ASTN2: variants seen among roughly 807,000 people sequenced by gnomAD.
ASTN2 encodes astrotactin 2.
A neutral mutation model predicts 139.8 loss-of-function variants in ASTN2; 54 were observed. The observed-to-expected ratio is 0.39, with a 90% CI of 0.31 to 0.48. The LOEUF (loss-of-function observed/expected upper bound fraction) is 0.48. Among genes scored for constraint, ASTN2 ranks in the 20% least tolerant of loss-of-function variants. The pLI is 0.95. For missense variants in ASTN2, 1,565 were observed against 1,725.1 expected (o/e 0.91, Z 1.64); for synonymous variants, 756 against 719.5 (o/e 1.05, Z -0.81).
At chr9:116,646,861 C>A (rs1186611419) in intron 17 of ASTN2, among the ~76,000 whole-genome samples, 1 of 152,218 alleles carries the variant, frequency 6.6e-6, no homozygotes, top group Non-Finnish European at 1.5e-5. Context: ...CTAAACTCCT[C>A]ACCACATGTT....
intron 5 of ASTN2, among the ~76,000 whole-genome samples, chr9:117,089,851 C>T (rs1388184119): frequency 6.6e-6 from 1 of 152,172 alleles, no homozygotes; most frequent in African/African-American, 2.4e-5. Flanking sequence ...TGGCAAATGC[C>T]GTTAATTCAT....
At chr9:116,819,212 C>T (rs1342776137) in intron 12 of ASTN2, among the ~76,000 whole-genome samples, 1 of 152,048 alleles carries the variant, frequency 6.6e-6, no homozygotes, top group Non-Finnish European at 1.5e-5. Context: ...GAAGAACAGC[C>T]CCCACCCCAC....
chr9:116,755,116 C>A (rs747791252), intron 13 of ASTN2, among the ~76,000 whole-genome samples: 2 of 152,126 alleles, frequency 1.3e-5, no homozygotes, highest in Non-Finnish European at 2.9e-5. Context: ...GATCTGGGTG[C>A]CCCAGCTATG....
intron 3 of ASTN2, among the ~76,000 whole-genome samples, chr9:117,196,789 T>C (rs1831518460): frequency 6.6e-6 from 1 of 152,116 alleles, no homozygotes; most frequent in Non-Finnish European, 1.5e-5. Context: ...ATTATGCATA[T>C]AAAATGATAA....
At chr9:117,374,684 A>G (rs556341046) in intron 1 of ASTN2, among the ~76,000 whole-genome samples, 1 of 152,266 alleles carries the variant, frequency 6.6e-6, no homozygotes, top group African/African-American at 2.4e-5. Flanking sequence ...TGGCAAATTG[A>G]CAATGCAGCA....
chr9:117,287,840 G>A (rs1834488307), intron 2 of ASTN2, among the ~76,000 whole-genome samples: 1 of 152,064 alleles, frequency 6.6e-6, no homozygotes, highest in African/African-American at 2.4e-5. Context: ...TGCCAGCCTG[G>A]GTATTAGGCA....
At chr9:117,163,389 G>T (rs1373783687) in intron 3 of ASTN2, among the ~76,000 whole-genome samples, 1 of 152,074 alleles carries the variant, frequency 6.6e-6, no homozygotes, top group Non-Finnish European at 1.5e-5. Flanking sequence ...AGGGGCAGAG[G>T]AAAAACTAAT....
intron 5 of ASTN2, among the ~76,000 whole-genome samples, chr9:117,053,756 G>C (rs993701367): frequency 2.0e-5 from 3 of 152,154 alleles, no homozygotes; most frequent in African/African-American, 7.2e-5. Flanking sequence ...GAAAAGAATT[G>C]GGGCCTTGCA....
intron 1 of ASTN2, among the ~76,000 whole-genome samples, chr9:117,379,864 C>T (rs576974791): frequency 6.6e-6 from 1 of 152,218 alleles, no homozygotes; most frequent in South Asian, 2.1e-4. Flanking sequence ...AAAGTTTGTA[C>T]TTTATTTGGA....
At chr9:117,279,289 A>T (rs1834269188) in intron 2 of ASTN2, among the ~76,000 whole-genome samples, 1 of 152,232 alleles carries the variant, frequency 6.6e-6, no homozygotes, top group African/African-American at 2.4e-5. Flanking sequence ...AACTAGAAAT[A>T]TATGTTTAAT....
chr9:116,922,966 G>GA (rs1383323196), intron 10 of ASTN2, among the ~76,000 whole-genome samples: 1 of 152,196 alleles, frequency 6.6e-6, no homozygotes, highest in Non-Finnish European at 1.5e-5. Context: ...TTATAGGGCA[G>GA]AGGTGGTGCA....
chr9:116,834,777 G>T (rs1831933552), intron 11 of ASTN2, among the ~76,000 whole-genome samples: 1 of 152,248 alleles, frequency 6.6e-6, no homozygotes, highest in Admixed American at 6.5e-5. Flanking sequence ...ACTGGGCACA[G>T]TGGCTTATGC....
intron 19 of ASTN2, among the ~76,000 whole-genome samples, chr9:116,490,271 GTAAA>G (rs1849471332): frequency 4.3e-4 from 1 of 2,316 alleles, no homozygotes; most frequent in Non-Finnish European, 9.0e-4. Context: ...GTGATAAAAA[GTAAA>G]AAAAAAAAAA....
At chr9:116,756,751 T>C (rs1443010939) in intron 13 of ASTN2, among the ~76,000 whole-genome samples, 1 of 146,246 alleles carries the variant, frequency 6.8e-6, no homozygotes, top group Non-Finnish European at 1.5e-5. Flanking sequence ...TCCAGTTATC[T>C]ATAAGATGCT....
chr9:116,502,494 C>T (rs1332049739), intron 19 of ASTN2, among the ~76,000 whole-genome samples: 6 of 148,532 alleles, frequency 4.0e-5, no homozygotes, highest in African/African-American at 1.5e-4. Context: ...AGACAGAGAA[C>T]CAGAAATAAA....
At chr9:116,697,517 C>T (rs1018353430) in intron 16 of ASTN2, 10 of 563,130 alleles carry the variant, frequency 1.8e-5, no homozygotes, top group Admixed American at 6.1e-5. Context: ...GTCACCCTCA[C>T]GTGACATATA....
intron 19 of ASTN2, among the ~76,000 whole-genome samples, chr9:116,589,643 T>C (rs573956298): frequency 1.6e-5 from 2 of 128,546 alleles, no homozygotes; most frequent in African/African-American, 5.6e-5. Flanking sequence ...CAGATTACAG[T>C]GTTTCTCCAG....
At chr9:116,870,500 GC>G (rs924499519) in intron 10 of ASTN2, among the ~76,000 whole-genome samples, 1 of 152,012 alleles carries the variant, frequency 6.6e-6, no homozygotes, top group Non-Finnish European at 1.5e-5. Flanking sequence ...CTTTTCTTTG[GC>G]CTCCCAGCAG....
chr9:116,794,136 TGCCCAA>T (rs1830628449), intron 13 of ASTN2, among the ~76,000 whole-genome samples: 2 of 150,496 alleles, frequency 1.3e-5, no homozygotes, highest in South Asian at 2.1e-4. Context: ...TCACTCTTGT[TGCCCAA>T]GCTGGAGTGC....
Sources: gnomAD v4.1 joint callset for allele counts (sites outside exome capture counted in the v4.1 genomes callset) on GRCh38, gnomAD v4.1.1 for gene constraint, MANE v1.5 for transcripts, NCBI Gene and HGNC (gene_info 2026-07-23, HGNC 2026-07-21) for gene names.